The following EFNB2 variants were observed in gnomAD, a reference collection of about 807,000 sequenced individuals.
EFNB2 encodes the protein ephrin B2, also known as ephrin-B2.
A neutral mutation model predicts 32.1 loss-of-function variants in EFNB2; 5 were observed. The ratio of observed to expected loss-of-function variants is 0.16; its 90% confidence interval spans 0.08 to 0.33. EFNB2 has a LOEUF of 0.33. EFNB2 is among the 10% of genes least tolerant of loss of function. The probability of loss-of-function intolerance (pLI) is 1.00; values close to 1 mark genes in which losing one functional copy is unlikely to be tolerated. For synonymous variants in EFNB2, 168 were observed against 166.5 expected, an observed-to-expected ratio of 1.01 and a Z score of -0.07; for missense variants, 263 against 422.6, an observed-to-expected ratio of 0.62 and a Z score of 3.31.
At chr13:106,528,725 A>G (rs1431413530) in intron 1 of EFNB2, among the ~76,000 whole-genome samples, 4 of 152,318 alleles carry the variant, frequency 2.6e-5, no homozygotes, top group Middle Eastern at 3.4e-3. Context: ...CGTGGTTTCA[A>G]TGGCTTATTT....
chr13:106,534,834 G>C lies in EFNB2; in HGVS notation c.122+9C>G, dbSNP rs1880009838. ...GCGGGGACATAGGGGGATCGCGGAC[G>C]CCACTTACTTGGAGTTCGAGGAATT... On this transcript the variant is annotated intron_variant, in intron 1 of 4. Transcript: ENST00000646441. 6.2e-7 allele frequency: 1 copy of C among 1,609,250 alleles called. No homozygotes were observed. The highest frequency in any genetic ancestry group is 1.3e-5 in the African/African-American group (1 of 74,696).
At chr13:106,512,391 AAGGGG>A in intron 2 of EFNB2, 133 bp downstream of exon 2, 1 of 374,536 alleles carries the variant, frequency 2.7e-6, no homozygotes. Context: ...GAAAAAAAAA[AAGGGG>A]GGGGGGACAA....
At chr13:106,496,110 G>A (rs1470781695) in intron 2 of EFNB2, among the ~76,000 whole-genome samples, 1 of 152,178 alleles carries the variant, frequency 6.6e-6, no homozygotes, top group Non-Finnish European at 1.5e-5. Context: ...ACAAATGACT[G>A]ATTTAATGTT....
chr13:106,493,542 G>A lies in EFNB2; in HGVS notation c.614-114C>T. ...AATAAGCCAGGCTTATTACTAACTAGAAGCTGGACTTTGCCTCGCCAATAC... is the reference window on the plus strand; with the variant it reads ...AATAAGCCAGGCTTATTACTAACTAAAAGCTGGACTTTGCCTCGCCAATAC... On this transcript the variant is annotated intron_variant, in intron 4 of 4. Transcript: ENST00000646441. This position sits in a 1 kb window ranked among gnomAD's most constrained non-coding sequence, Gnocchi z 6.1. The A allele has an allele frequency of 7.1e-7, 1 of 1,402,120 alleles. No individual in the cohort carries two copies. The highest frequency in any genetic ancestry group is 1.4e-5 in the South Asian group (1 of 70,040). The allele number at this position is 1,402,120 out of a possible 1,614,324, so 86.9% of individuals were successfully genotyped here. A position where few individuals can be genotyped will look rare whatever the true frequency, so the allele number is the denominator to read the frequency against.
intron 2 of EFNB2, chr13:106,506,056 A>G (rs540048806): frequency 2.0e-5 from 3 of 152,342 alleles, no homozygotes; most frequent in Non-Finnish European, 2.9e-5. Context: ...TTAAATGTAA[A>G]GAATTTATCT....
At chr13:106,515,687 C>T (rs962558764) in intron 1 of EFNB2, among the ~76,000 whole-genome samples, 34 of 152,286 alleles carry the variant, frequency 2.2e-4, no homozygotes, top group Non-Finnish European at 3.4e-4. Flanking sequence ...ACAGCCATAG[C>T]GCACAGTCAC....
At chr13:106,521,140 T>C (rs1365579142) in intron 1 of EFNB2, 3 of 146,254 alleles carry the variant, frequency 2.1e-5, no homozygotes, top group Non-Finnish European at 4.4e-5. Flanking sequence ...ACCTGATTTA[T>C]TCAAGGAAAA....
intron 2 of EFNB2, among the ~76,000 whole-genome samples, chr13:106,499,240 C>T (rs74783514): frequency 0.022 from 3,334 of 151,190 alleles, 59 homozygotes; most frequent in Non-Finnish European, 0.032. Context: ...TGCTGAGGTT[C>T]CAAACCCCCC....
intron 1 of EFNB2, chr13:106,520,085 T>C (rs1879451160): frequency 6.6e-6 from 1 of 152,178 alleles, no homozygotes. Context: ...TGTACAAACA[T>C]TTCAAAGATT....
At chr13:106,502,124 G>A (rs1052120017) in intron 2 of EFNB2, among the ~76,000 whole-genome samples, 15 of 152,176 alleles carry the variant, frequency 9.9e-5, no homozygotes, top group Middle Eastern at 3.2e-3. Flanking sequence ...ATACCACATT[G>A]CTATGGTTGT....
At chr13:106,534,437 C>T (rs1178638967) in intron 1 of EFNB2, among the ~76,000 whole-genome samples, 1 of 152,192 alleles carries the variant, frequency 6.6e-6, no homozygotes, top group African/African-American at 2.4e-5. Flanking sequence ...GCCGCCCGCG[C>T]TCCCCGCGAA....
intron 2 of EFNB2, chr13:106,510,109 G>A (rs1175173822): frequency 1.3e-5 from 2 of 152,180 alleles, no homozygotes; most frequent in African/African-American, 4.8e-5. Context: ...ATATGCTTTT[G>A]CATGGTAAAT....
In EFNB2 at chr13:106,492,944, A is replaced by C; in HGVS notation, c.*96T>G. On this transcript the variant is annotated 3_prime_UTR_variant, in exon 5 of 5. Transcript: ENST00000646441. This position sits in a 1 kb window ranked among gnomAD's most constrained non-coding sequence, Gnocchi z 5.1. ...TCCCTCTCCCCCGGTGCTGTGCTTC[A>C]GTCAATTCTCCAGCACGCGGGCTCT... 6.8e-7 allele frequency: 1 copy of C among 1,470,634 alleles called. No individual in the cohort carries two copies. The highest frequency in any genetic ancestry group is 9.1e-7 in the Non-Finnish European group (1 of 1,096,868). The allele number at this position is 1,470,634 out of a possible 1,614,324, so 91.1% of individuals were successfully genotyped here. A position where few individuals can be genotyped will look rare whatever the true frequency, so the allele number is the denominator to read the frequency against.
chr13:106,511,018 T>A (rs1367230044), intron 2 of EFNB2, among the ~76,000 whole-genome samples: 1 of 151,912 alleles, frequency 6.6e-6, no homozygotes, highest in African/African-American at 2.4e-5. Context: ...TAAAATAAAA[T>A]AAAAAAATAA....
At chr13:106,532,846 T>G (rs1879925704) in intron 1 of EFNB2, among the ~76,000 whole-genome samples, 1 of 150,628 alleles carries the variant, frequency 6.6e-6, no homozygotes, top group South Asian at 2.1e-4. Flanking sequence ...GGTGAGTACC[T>G]GTCACCTCCC....
chr13:106,525,177 A>G (rs901835401), intron 1 of EFNB2, among the ~76,000 whole-genome samples: 4 of 152,146 alleles, frequency 2.6e-5, no homozygotes, highest in African/African-American at 9.7e-5. Context: ...ATTCAGCACT[A>G]TTATGTTATT....
intron 2 of EFNB2, among the ~76,000 whole-genome samples, chr13:106,504,340 G>A (rs937410955): frequency 6.6e-6 from 1 of 152,168 alleles, no homozygotes; most frequent in Non-Finnish European, 1.5e-5. Flanking sequence ...ACCAGCGACC[G>A]AATTAATGTC....
At chr13:106,529,083 C>T (rs1424583695) in intron 1 of EFNB2, among the ~76,000 whole-genome samples, 1 of 152,098 alleles carries the variant, frequency 6.6e-6, no homozygotes, top group Non-Finnish European at 1.5e-5. Context: ...GTGGGAAAGA[C>T]AAAACTCACA....
intron 1 of EFNB2, among the ~76,000 whole-genome samples, chr13:106,522,205 C>A (rs1194772666): frequency 6.6e-6 from 1 of 152,076 alleles, no homozygotes; most frequent in East Asian, 1.9e-4. Flanking sequence ...TGCCAAATTT[C>A]ATCCTGCTGG....
Sources: gnomAD v4.1 joint callset for allele counts (sites outside exome capture counted in the v4.1 genomes callset) on GRCh38, gnomAD v4.1.1 for gene constraint, Gnocchi (gnomAD v3.1) non-coding constraint, MANE v1.5 for transcripts, NCBI Gene and HGNC (gene_info 2026-07-23, HGNC 2026-07-21) for gene names.